Variants in SH3YL1 observed in about 807,000 individuals in gnomAD.
The protein encoded by SH3YL1 is SH3 domain-containing YSC84-like protein 1.
SH3YL1 carries 41 observed loss-of-function variants against 45.8 expected under a neutral mutation model. The ratio of observed to expected loss-of-function variants is 0.89; its 90% CI spans 0.70 to 1.16. The LOEUF is 1.16. Among genes scored for constraint, SH3YL1 ranks in the 50% most tolerant of loss-of-function variants. The probability of loss-of-function intolerance (pLI) is 0.00; values close to 1 mark genes in which losing one functional copy is unlikely to be tolerated. For missense variants in SH3YL1, 389 were observed against 409.6 expected (o/e 0.95, Z 0.43); for synonymous variants, 152 against 151.4 (o/e 1.00, Z -0.03).
At chr2:227,587 A>C (rs983229311) in intron 8 of SH3YL1, among the ~76,000 whole-genome samples, 1 of 152,164 alleles carries the variant, frequency 6.6e-6, no homozygotes, top group Non-Finnish European at 1.5e-5. Flanking sequence ...AATAAATATA[A>C]AGAAGATATA....
intron 1 of SH3YL1, chr2:260,321 C>T (rs1669536227): frequency 6.6e-6 from 1 of 152,174 alleles, no homozygotes; most frequent in Non-Finnish European, 1.5e-5. Flanking sequence ...AATATTTCAT[C>T]TACTTTATTT....
intron 9 of SH3YL1, among the ~76,000 whole-genome samples, chr2:224,120 T>C (rs1667693800): frequency 1.3e-5 from 2 of 152,222 alleles, no homozygotes; most frequent in Admixed American, 6.5e-5. Context: ...GTGACTCCAA[T>C]GACGAAAGTA....
intron 1 of SH3YL1, among the ~76,000 whole-genome samples, chr2:263,048 G>A (rs1337642706): frequency 6.6e-6 from 1 of 152,112 alleles, no homozygotes; most frequent in East Asian, 1.9e-4. Context: ...GCCAGCCCAC[G>A]GGAGTAAACA....
intron 8 of SH3YL1, among the ~76,000 whole-genome samples, chr2:228,456 T>C (rs1667880555): frequency 6.6e-6 from 1 of 152,194 alleles, no homozygotes; most frequent in South Asian, 2.1e-4. Flanking sequence ...TCCGCACTGA[T>C]AAGGACCTGA....
chr2:232,510 G>A (rs1157465701), intron 6 of SH3YL1, among the ~76,000 whole-genome samples: 3 of 151,768 alleles, frequency 2.0e-5, no homozygotes, highest in Non-Finnish European at 4.4e-5. Context: ...TGTTGCATAG[G>A]TATACATATG....
intron 1 of SH3YL1, chr2:259,865 G>C (rs938354367): frequency 2.6e-5 from 4 of 151,462 alleles, no homozygotes; most frequent in African/African-American, 9.7e-5. Flanking sequence ...TGAAGATTTA[G>C]AGTGTCAAAT....
At chr2:264,644 C>T (rs1471637508), upstream of SH3YL1, 29 of 188,220 alleles carry the variant, frequency 1.5e-4, no homozygotes, top group Middle Eastern at 2.0e-3. Context: ...CCCTCGCCTT[C>T]CGCGGCCCTA....
chr2:226,752 G>A (rs1430764524), intron 8 of SH3YL1, among the ~76,000 whole-genome samples: 2 of 149,034 alleles, frequency 1.3e-5, no homozygotes, highest in Admixed American at 6.6e-5. Context: ...AATGTTATTG[G>A]GGAGTGTATA....
chr2:228,234 CA>C (rs969492019), intron 8 of SH3YL1, among the ~76,000 whole-genome samples: 13 of 152,096 alleles, frequency 8.5e-5, no homozygotes, highest in Non-Finnish European at 4.4e-5. Context: ...TGTGGCTGTG[CA>C]AAATGGGGAG....
intron 1 of SH3YL1, among the ~76,000 whole-genome samples, chr2:261,657 G>C (rs967937818): frequency 1.1e-4 from 16 of 152,136 alleles, no homozygotes; most frequent in African/African-American, 3.6e-4. Flanking sequence ...TAGAGTCACT[G>C]GGGACAAACA....
intron 4 of SH3YL1, among the ~76,000 whole-genome samples, chr2:244,353 G>C (rs1014067423): frequency 2.6e-5 from 4 of 151,940 alleles, no homozygotes; most frequent in African/African-American, 4.8e-5. Flanking sequence ...AAAATTAGCC[G>C]AGCATGGTGG....
intron 1 of SH3YL1, among the ~76,000 whole-genome samples, chr2:257,554 C>T (rs996557841): frequency 6.6e-6 from 1 of 152,320 alleles, no homozygotes; most frequent in African/African-American, 2.4e-5. Flanking sequence ...ACCACTCATA[C>T]ACTGCTAAGT....
chr2:229,791 T>C (rs563371499), intron 8 of SH3YL1, 175 bp downstream of exon 8: 4 of 444,422 alleles, frequency 9.0e-6, no homozygotes, highest in South Asian at 4.3e-5. Context: ...TCATAAATTA[T>C]AGCAATGACA....
At chr2:243,485 A>C in intron 4 of SH3YL1, 7 of 1,511,036 alleles carry the variant, frequency 4.6e-6, no homozygotes, top group Non-Finnish European at 6.2e-6. Flanking sequence ...GATTAAGGAA[A>C]ATGAAGACAC....
At chr2:261,284 ATAC>A (rs1262228210) in intron 1 of SH3YL1, 1 of 152,238 alleles carries the variant, frequency 6.6e-6, no homozygotes, top group East Asian at 1.9e-4. Context: ...CCATTCTATC[ATAC>A]TGATGAAGAC....
intron 4 of SH3YL1, among the ~76,000 whole-genome samples, chr2:235,325 T>C (rs1402630696): frequency 2.0e-5 from 3 of 151,942 alleles, no homozygotes; most frequent in Admixed American, 2.0e-4. Flanking sequence ...ATATGACCCA[T>C]CAAATGAGAG....
Position 230,012 on chromosome 2 carries a change from T to G in SH3YL1, c.735A>C (p.Arg245Ser). Residue 245 changes from arginine (R) to serine (S), a missense_variant, in exon 8 of 10, where the codon AGA (arginine) becomes AGC (serine). Physicochemically the swap from Arg to Ser is moderately radical, Grantham distance 110. Transcript: ENST00000356150. ...GGACTGGTGCAGATGACTGCTGTGGTCTTGACAATGGCTTTGGAGGTAATT... is the reference window on the plus strand; with the variant it reads ...GGACTGGTGCAGATGACTGCTGTGGGCTTGACAATGGCTTTGGAGGTAATT... ...AKELPPKPLS[R>S]PQQSSAPVQL... 2 of 1,610,454 alleles carry G rather than the reference T, an allele frequency of 1.2e-6. No homozygotes were observed. The highest frequency in any genetic ancestry group is 1.7e-6 in the Non-Finnish European group (2 of 1,177,816).
At chr2:254,928 TTCTA>T (rs576308934) in intron 1 of SH3YL1, among the ~76,000 whole-genome samples, 66 of 152,360 alleles carry the variant, frequency 4.3e-4, no homozygotes, top group African/African-American at 1.3e-3. Flanking sequence ...ACTGTTTGTC[TTCTA>T]TCTATTTATG....
chr2:263,875 C>A (rs948894980), intron 1 of SH3YL1, 109 bp downstream of exon 1: 13 of 929,654 alleles, frequency 1.4e-5, no homozygotes, highest in Non-Finnish European at 2.2e-5. Flanking sequence ...AGACGCGCGA[C>A]CTAGAAACCC....
Sources: allele counts gnomAD v4.1 joint callset (sites outside exome capture counted in the v4.1 genomes callset), GRCh38; gene constraint gnomAD v4.1.1; transcripts MANE v1.5; gene names NCBI Gene and HGNC (gene_info 2026-07-23, HGNC 2026-07-21).